The following EHMT1 variants were observed in gnomAD, a reference collection of about 807,000 sequenced individuals.
EHMT1 encodes the protein histone-lysine N-methyltransferase EHMT1.
In EHMT1, 15 loss-of-function variants were observed where a neutral mutation model predicts 147.2. The ratio of observed to expected loss-of-function variants is 0.10; its 90% CI spans 0.07 to 0.16. The LOEUF (loss-of-function observed/expected upper bound fraction) is 0.16. Among genes scored for constraint, EHMT1 ranks in the 10% least tolerant of loss-of-function variants. The pLI, the probability that EHMT1 is intolerant of heterozygous loss-of-function variation, is 1.00. For synonymous variants in EHMT1, 795 were observed against 709.6 expected (o/e 1.12, Z -1.91); for missense variants, 1,587 against 1,772.4 (o/e 0.90, Z 1.88).
At chr9:137,629,782 G>C (rs1167442285) in intron 1 of EHMT1, among the ~76,000 whole-genome samples, 2 of 151,866 alleles carry the variant, frequency 1.3e-5, no homozygotes, top group Admixed American at 1.3e-4. Context: ...CGCCCACCTC[G>C]GCCTCCCAAA....
At chr9:137,624,525 A>G (rs1473686653) in intron 1 of EHMT1, among the ~76,000 whole-genome samples, 2 of 152,112 alleles carry the variant, frequency 1.3e-5, no homozygotes, top group African/African-American at 4.8e-5. Context: ...CATATCGGCC[A>G]GGCAGGTCTC....
intron 1 of EHMT1, among the ~76,000 whole-genome samples, chr9:137,647,736 A>G (rs1422395119): frequency 6.6e-6 from 1 of 151,490 alleles, no homozygotes; most frequent in Non-Finnish European, 1.5e-5. Context: ...CTGGCATTAC[A>G]CGCGTGCGCC....
rs76160391 is a variant in EHMT1 at position 137,691,527 on chromosome 9, A to G, written c.22-19440A>G. 9.3e-3 allele frequency among the ~76,000 whole-genome samples: 1,407 copies of G among 151,994 alleles called. 20 individuals carry two copies. The highest frequency in any genetic ancestry group is 0.032 in the African/African-American group (1,315 of 41,440). ...CTACATTTTGTTTGTCCATTAGTGG[A>G]TGTCCGTTGATGGACACTTGGGTTG... On this transcript the variant is annotated intron_variant, in intron 1 of 26. Coordinates refer to ENST00000460843, the MANE Select transcript of EHMT1 (RefSeq NM_024757.5).
intron 9 of EHMT1, among the ~76,000 whole-genome samples, chr9:137,760,667 T>C (rs1273446524): frequency 6.6e-6 from 1 of 152,152 alleles, no homozygotes; most frequent in Non-Finnish European, 1.5e-5. Flanking sequence ...CCAAATGGGC[T>C]AGAGACAGAC....
chr9:137,687,525 G>A (rs925833507), intron 1 of EHMT1, among the ~76,000 whole-genome samples: 2 of 152,164 alleles, frequency 1.3e-5, no homozygotes, highest in Admixed American at 1.3e-4. Context: ...AGGTAGTGCT[G>A]TTGCCTGAGT....
intron 16 of EHMT1, among the ~76,000 whole-genome samples, chr9:137,794,239 CTTA>C (rs1355565621): frequency 2.0e-5 from 3 of 152,108 alleles, no homozygotes; most frequent in Admixed American, 1.3e-4. Context: ...TAATATTTAT[CTTA>C]TTTTCAATTT....
In EHMT1 at chr9:137,786,336, C is replaced by T. The variant is rs960969884; in HGVS notation, c.2382+3939C>T. On this transcript the variant is annotated intron_variant, in intron 15 of 26. Transcript: ENST00000460843. The surrounding 1 kb of genome is among the most constrained non-coding windows in gnomAD (Gnocchi z 4.3). ...TAGAGGGATTTCTATTTTTTCTTCC[C>T]CTTAGAATCTAAGCGGTTTTCCTGA... 1.3e-5 allele frequency: 2 copies of T among 152,132 alleles called. No individual in the cohort carries two copies. The highest frequency in any genetic ancestry group is 2.9e-5 in the Non-Finnish European group (2 of 68,044). The allele number at this position is 152,132 out of a possible 1,614,324, so 9.4% of individuals were successfully genotyped here. A position where few individuals can be genotyped will look rare whatever the true frequency, so the allele number is the denominator to read the frequency against.
chr9:137,792,232 A>G, intron 16 of EHMT1: 1 of 375,368 alleles, frequency 2.7e-6, no homozygotes, highest in Non-Finnish European at 5.5e-6. Flanking sequence ...GACCAATGGA[A>G]TAAAATAAAA....
At chr9:137,677,943 C>T (rs995394554) in intron 1 of EHMT1, among the ~76,000 whole-genome samples, 2 of 150,454 alleles carry the variant, frequency 1.3e-5, no homozygotes, top group African/African-American at 2.4e-5. Flanking sequence ...GCGGCGGGCG[C>T]CTGTAGTCCC....
rs377664834 is a variant in EHMT1 at position 137,701,515 on chromosome 9, A to G, written c.22-9452A>G. Among the ~76,000 whole-genome samples the G allele has an allele frequency of 1.4e-3, 215 of 151,886 alleles. 1 individual carries two copies. The highest frequency in any genetic ancestry group is 5.0e-3 in the African/African-American group (205 of 41,396). On this transcript the variant is annotated intron_variant, in intron 1 of 26. Coordinates refer to ENST00000460843, the MANE Select transcript of EHMT1 (RefSeq NM_024757.5). The stretch of plus-strand genomic sequence containing the variant: ...CTCTTGTCGCCCAGGCTGGAGTGCA[A>G]TGGTGTGATCTTGGCTCACTGCAAC...
At chr9:137,692,647 T>G (rs1015642640) in intron 1 of EHMT1, among the ~76,000 whole-genome samples, 3 of 152,180 alleles carry the variant, frequency 2.0e-5, no homozygotes, top group Non-Finnish European at 2.9e-5. Flanking sequence ...AAACTCTCTT[T>G]TAGACGTTGA....
At chr9:137,669,030 G>A (rs1940070264) in intron 1 of EHMT1, among the ~76,000 whole-genome samples, 1 of 152,248 alleles carries the variant, frequency 6.6e-6, no homozygotes, top group African/African-American at 2.4e-5. Context: ...GGGACCACGT[G>A]CGTGCGCCAC....
intron 1 of EHMT1, among the ~76,000 whole-genome samples, chr9:137,707,222 C>T (rs950274803): frequency 6.6e-6 from 1 of 152,192 alleles, no homozygotes; most frequent in Non-Finnish European, 1.5e-5. Flanking sequence ...GGCAGCGCTG[C>T]TTGGGGGGGC....
intron 16 of EHMT1, chr9:137,792,156 C>T (rs1344450720): frequency 1.1e-5 from 5 of 465,758 alleles, no homozygotes; most frequent in African/African-American, 1.0e-4. Flanking sequence ...TTGCTGATTT[C>T]AAAACTTACT....
intron 25 of EHMT1, among the ~76,000 whole-genome samples, chr9:137,824,986 T>C (rs1283206918): frequency 1.3e-5 from 2 of 152,190 alleles, no homozygotes; most frequent in African/African-American, 4.8e-5. Context: ...CTTGTTCTCT[T>C]CCCGGCACTG....
chr9:137,671,520 CTTTTTTTT>C (rs71493689), intron 1 of EHMT1, among the ~76,000 whole-genome samples: 1 of 105,348 alleles, frequency 9.5e-6, no homozygotes, highest in Non-Finnish European at 2.0e-5. Flanking sequence ...CCTTTTCTTT[CTTTTTTTT>C]TTTTTTTTTT....
intron 10 of EHMT1, among the ~76,000 whole-genome samples, chr9:137,767,481 A>G (rs1426402297): frequency 6.6e-6 from 1 of 152,156 alleles, no homozygotes; most frequent in Non-Finnish European, 1.5e-5. Context: ...GGATTTTGGA[A>G]TATTTGCATT....
intron 1 of EHMT1, among the ~76,000 whole-genome samples, chr9:137,690,816 T>C (rs942262485): frequency 2.0e-5 from 3 of 152,216 alleles, no homozygotes; most frequent in Admixed American, 2.0e-4. Context: ...ACTGCTGCTT[T>C]AAACAGCATC....
rs762442350 is a variant in EHMT1 at position 137,716,770 on chromosome 9, C to A, written c.230C>A (p.Ala77Glu). 6.2e-7 allele frequency: 1 copy of A among 1,613,008 alleles called. No individual in the cohort carries two copies. The highest frequency in any genetic ancestry group is 1.1e-5 in the South Asian group (1 of 91,088). The change falls in exon 3 of 27, where the codon GCA (alanine) becomes GAA (glutamate). Residue 77 changes from alanine (A) to glutamate (E), a missense_variant. By Grantham distance (107) the Ala-to-Glu change is moderately radical (BLOSUM62 -1). Around this residue, in one of 7 missense-constraint regions of EHMT1, gnomAD observed 810 missense variants for 673.0 expected, o/e 1.20. Coordinates refer to ENST00000460843, the MANE Select transcript of EHMT1 (RefSeq NM_024757.5). Reference protein sequence around the residue: ...ANAAKHTQDSARVNPQDGTNT... With the variant: ...ANAAKHTQDSERVNPQDGTNT... ...GCTGCAAAGCACACTCAGGACAGCGCAAGGGTCAACCCCCAGGATGGCACC... is the reference window on the plus strand; with the variant it reads ...GCTGCAAAGCACACTCAGGACAGCGAAAGGGTCAACCCCCAGGATGGCACC...
Sources: allele counts gnomAD v4.1 joint callset (sites outside exome capture counted in the v4.1 genomes callset), GRCh38; gene constraint gnomAD v4.1.1; regional missense constraint gnomAD v4.1.1; non-coding constraint Gnocchi (gnomAD v3.1); transcripts MANE v1.5; gene names NCBI Gene and HGNC (gene_info 2026-07-23, HGNC 2026-07-21).